PLB1: variants seen among roughly 807,000 people sequenced by gnomAD.
PLB1 encodes phospholipase B1, membrane-associated.
PLB1 carries 242 observed loss-of-function variants against 227.4 expected under a neutral mutation model. The ratio of observed to expected loss-of-function variants is 1.06; its 90% confidence interval spans 0.96 to 1.18. PLB1 has a LOEUF of 1.18. PLB1 is among the 50% of genes most tolerant of loss of function. The pLI is 0.00. For synonymous variants in PLB1, 757 were observed against 682.2 expected (o/e 1.11, Z -1.71); for missense variants, 1,858 against 1,816.3 (o/e 1.02, Z -0.42).
intron 49 of PLB1, 59 bp from the exon 50 acceptor site, chr2:28,624,998 T>TCCC: frequency 2.6e-6 from 4 of 1,513,556 alleles, no homozygotes; most frequent in Non-Finnish European, 3.7e-6. Context: ...CAAAATCCCA[T>TCCC]GTCGTGAGTC....
At chr2:28,596,550 T>TA (rs1682946435) in intron 33 of PLB1, among the ~76,000 whole-genome samples, 2 of 152,234 alleles carry the variant, frequency 1.3e-5, no homozygotes, top group African/African-American at 4.8e-5. Context: ...GGAGGCAGAA[T>TA]TAGAACACAA....
rs375247069 is a variant in PLB1 at position 28,626,491 on chromosome 2, C to G, written c.3643C>G (p.His1215Asp). 1.9e-6 allele frequency: 3 copies of G among 1,613,982 alleles called. No individual in the cohort carries two copies. The African/African-American group carries it at 4.0e-5, about 22-fold the overall frequency. The change falls in exon 51 of 58, where the codon CAT becomes GAT. Residue 1215 changes from histidine to aspartate, a missense_variant. His to Asp is a moderately conservative substitution (Grantham distance 81). Coordinates refer to ENST00000327757, the MANE Select transcript of PLB1 (RefSeq NM_153021.5). ...TLFIGVNDLC[H>D]YCENPEAHLA... ...CTTCATTGGGGTCAACGACTTGTGT[C>G]ATTACTGTGAGAATCCGGTAGGCCC...
chr2:28,573,352 AC>A, intron 21 of PLB1, 47 bp downstream of exon 21: 1 of 1,448,350 alleles, frequency 6.9e-7, no homozygotes, highest in Non-Finnish European at 9.7e-7. Flanking sequence ...TCCTCTGAGG[AC>A]CAGGGGTGGG....
chr2:28,601,203 T>C (rs1451373447), intron 36 of PLB1, 49 bp from the exon 37 acceptor site: 1 of 1,489,976 alleles, frequency 6.7e-7, no homozygotes, highest in East Asian at 2.3e-5. Context: ...GCAGGGATAT[T>C]TTCATTTCCT....
intron 50 of PLB1, among the ~76,000 whole-genome samples, chr2:28,625,812 C>T (rs565009608): frequency 1.3e-5 from 2 of 152,116 alleles, no homozygotes; most frequent in South Asian, 2.1e-4. Context: ...ATGTGGGACA[C>T]ATCCACATTC....
At chr2:28,574,729 T>C (rs367815337) in intron 21 of PLB1, among the ~76,000 whole-genome samples, 2 of 152,084 alleles carry the variant, frequency 1.3e-5, no homozygotes, top group Admixed American at 1.3e-4. Flanking sequence ...TGCGTCCTCA[T>C]AGCTTTGCTC....
intron 17 of PLB1, among the ~76,000 whole-genome samples, chr2:28,555,593 A>G (rs1025764011): frequency 5.3e-5 from 8 of 152,182 alleles, no homozygotes; most frequent in African/African-American, 1.4e-4. Context: ...CATGTTTGCA[A>G]TTTCTAATCA....
intron 1 of PLB1, among the ~76,000 whole-genome samples, chr2:28,498,350 A>G (rs1055903502): frequency 6.6e-6 from 1 of 151,362 alleles, no homozygotes; most frequent in Non-Finnish European, 1.5e-5. Context: ...CAGCCTCCCA[A>G]GTAGCTGGGA....
chr2:28,600,754 G>A, intron 35 of PLB1, 55 bp from the exon 36 acceptor site: 1 of 1,571,888 alleles, frequency 6.4e-7, no homozygotes, highest in East Asian at 2.2e-5. Context: ...CCCTCTAGGA[G>A]GAAAACTATG....
At chr2:28,567,555 C>G (rs113747340) in intron 20 of PLB1, among the ~76,000 whole-genome samples, 1,495 of 140,360 alleles carry the variant, frequency 0.011, 11 homozygotes, top group Non-Finnish European at 0.016. Context: ...CTCATTGCAA[C>G]CTCCGCCTCC....
chr2:28,593,790 C>G, intron 33 of PLB1, 36 bp downstream of exon 33: 1 of 1,569,606 alleles, frequency 6.4e-7, no homozygotes, highest in Non-Finnish European at 8.8e-7. Flanking sequence ...AGCGTTCCCC[C>G]CACAACAGAG....
Position 28,585,834 on chromosome 2 carries a change from A to C in PLB1, c.1807A>C (p.Lys603Gln). The change falls in exon 26 of 58, where the codon AAG becomes CAG. Residue 603 changes from lysine to glutamine, a missense_variant. Transcript: ENST00000327757. ...TGCTACCCTCATCGAATTCAACAAGAAGTTTCAGGTAAGCCGGGAAGGGGT... is the reference window on the plus strand; with the variant it reads ...TGCTACCCTCATCGAATTCAACAAGCAGTTTCAGGTAAGCCGGGAAGGGGT... ...ELATLIEFNK[K>Q]FQEKTHQLIE... 6.2e-7 allele frequency: 1 copy of C among 1,604,990 alleles called. No individual in the cohort carries two copies. Among genetic ancestry groups the C allele is most frequent in the Non-Finnish European group, 8.5e-7 (1 of 1,171,714 alleles).
intron 57 of PLB1, 147 bp from the exon 58 acceptor site, chr2:28,642,711 T>G: frequency 1.4e-6 from 1 of 706,936 alleles, no homozygotes; most frequent in Non-Finnish European, 2.3e-6. Flanking sequence ...GGGCACAGCC[T>G]AAATGAGGGA....
chr2:28,532,230 T>G lies in PLB1; in HGVS notation c.555+36T>G, dbSNP rs114206789. 1.8e-3 allele frequency: 2,795 copies of G among 1,549,028 alleles called. 45 individuals carry two copies. The African/African-American group carries it at 0.034, about 19-fold the overall frequency. The stretch of plus-strand genomic sequence containing the variant: ...GCCTTGGGGACCAAGGGATTACAGA[T>G]GCTGGGGTGGAGAGGGAGTGAACTA... On this transcript the variant is annotated intron_variant, in intron 9 of 57. Coordinates refer to ENST00000327757, the MANE Select transcript of PLB1 (RefSeq NM_153021.5).
intron 51 of PLB1, 80 bp from the exon 52 acceptor site, chr2:28,628,483 C>G: frequency 7.6e-7 from 1 of 1,312,470 alleles, no homozygotes; most frequent in Non-Finnish European, 1.1e-6. Flanking sequence ...TTAGCCCAGG[C>G]CCCAGAGCCC....
chr2:28,616,351 C>A (rs563825810), intron 44 of PLB1, among the ~76,000 whole-genome samples: 1 of 152,290 alleles, frequency 6.6e-6, no homozygotes, highest in South Asian at 2.1e-4. Flanking sequence ...TAAGTATGTA[C>A]ACTTAATATG....
Position 28,589,785 on chromosome 2 carries a change from TA to T in PLB1, c.2016+16del, listed in dbSNP as rs1325067942. On this transcript the variant is annotated intron_variant, in intron 28 of 57. Coordinates refer to ENST00000327757, the MANE Select transcript of PLB1 (RefSeq NM_153021.5). ...GGAACAATATGGTAAGTGGCTGCGGTAGGAAAATGCATCCTCCCTCTGGTAA... is the reference window on the plus strand; with the variant it reads ...GGAACAATATGGTAAGTGGCTGCGGTGGAAAATGCATCCTCCCTCTGGTAA... The T allele has an allele frequency of 2.5e-6, 4 of 1,604,524 alleles. No individual in the cohort carries two copies. The East Asian group carries it at 8.9e-5, about 36-fold the overall frequency.
At chr2:28,612,988 T>C (rs1685693332) in intron 43 of PLB1, among the ~76,000 whole-genome samples, 2 of 152,036 alleles carry the variant, frequency 1.3e-5, no homozygotes, top group East Asian at 1.9e-4. Flanking sequence ...GGCACAATTA[T>C]AGCTCACTGT....
chr2:28,525,589 C>A (rs910168362), intron 5 of PLB1, among the ~76,000 whole-genome samples: 2 of 152,178 alleles, frequency 1.3e-5, no homozygotes, highest in African/African-American at 4.8e-5. Flanking sequence ...GCTCTACTTG[C>A]TCTGCTCTTG....
Sources: gnomAD v4.1 joint callset for allele counts (sites outside exome capture counted in the v4.1 genomes callset) on GRCh38, gnomAD v4.1.1 for gene constraint, MANE v1.5 for transcripts, NCBI Gene and HGNC (gene_info 2026-07-23, HGNC 2026-07-21) for gene names.